The following AGR3 variants were observed in gnomAD, a reference collection of about 807,000 sequenced individuals.
AGR3 encodes the protein anterior gradient protein 3.
Under a neutral mutation model 24.5 loss-of-function variants are expected in AGR3, and 37 were observed. The observed-to-expected ratio is 1.51, with a 90% CI of 1.16 to 1.99. The LOEUF is 1.99. Ranked by LOEUF, AGR3 falls within the 30% of genes most tolerant of loss-of-function variation. The pLI is 0.00. For synonymous variants in AGR3, 75 were observed against 61.6 expected, an observed-to-expected ratio of 1.22 and a Z score of -1.02; for missense variants, 228 against 191.1, an observed-to-expected ratio of 1.19 and a Z score of -1.14.
At chr7:16,857,889 C>T (rs1781575391), downstream of AGR3, among the ~76,000 whole-genome samples, 1 of 151,922 alleles carries the variant, frequency 6.6e-6, no homozygotes, top group Non-Finnish European at 1.5e-5. Flanking sequence ...GCATATCTAT[C>T]TCATATAAAA....
chr7:16,867,723 C>G (rs185805742), intron 3 of AGR3, among the ~76,000 whole-genome samples: 90 of 152,262 alleles, frequency 5.9e-4, no homozygotes, highest in African/African-American at 2.1e-3. Context: ...TTAGATTACA[C>G]ATGTGAGATT....
At chr7:16,859,852 A>G (rs1781606538) in intron 7 of AGR3, among the ~76,000 whole-genome samples, 1 of 152,138 alleles carries the variant, frequency 6.6e-6, no homozygotes, top group African/African-American at 2.4e-5. Flanking sequence ...ATTTCATCAG[A>G]GGGGTTTTGA....
intron 3 of AGR3, among the ~76,000 whole-genome samples, chr7:16,871,108 T>C (rs1781856016): frequency 6.6e-6 from 1 of 152,168 alleles, no homozygotes. Flanking sequence ...TGATTAATTA[T>C]AAATTTGGAT....
At chr7:16,876,683 ATGG>A (rs1307843897) in intron 2 of AGR3, among the ~76,000 whole-genome samples, 1 of 152,198 alleles carries the variant, frequency 6.6e-6, no homozygotes, top group African/African-American at 2.4e-5. Flanking sequence ...ATTCTCAATA[ATGG>A]TGTTCTCAGC....
chr7:16,862,308 C>G (rs60924576), intron 4 of AGR3, among the ~76,000 whole-genome samples: 12,972 of 152,164 alleles, frequency 0.085, 1,135 homozygotes, highest in African/African-American at 0.22. Context: ...AACTCATTGA[C>G]TCATTGGTTA....
chr7:16,873,686 G>T, intron 3 of AGR3, 94 bp downstream of exon 3: 1 of 913,274 alleles, frequency 1.1e-6, no homozygotes, highest in Non-Finnish European at 1.7e-6. Flanking sequence ...TTGTGTACAT[G>T]TATCAGCATA....
chr7:16,855,420 A>G (rs1220180174), downstream of AGR3, among the ~76,000 whole-genome samples: 3 of 152,188 alleles, frequency 2.0e-5, no homozygotes, highest in Admixed American at 6.5e-5. Context: ...AGAAAAGTGA[A>G]TTCATTCCAG....
chr7:16,874,644 G>C (rs924454740), intron 2 of AGR3, among the ~76,000 whole-genome samples: 1 of 152,066 alleles, frequency 6.6e-6, no homozygotes, highest in African/African-American at 2.4e-5. Context: ...TTTGGGCCCA[G>C]GTTTTCTTGT....
At chr7:16,876,917 A>G (rs1383774627) in intron 2 of AGR3, among the ~76,000 whole-genome samples, 1 of 152,180 alleles carries the variant, frequency 6.6e-6, no homozygotes, top group Non-Finnish European at 1.5e-5. Context: ...TTTAAGGGCA[A>G]TAACTAGTTT....
chr7:16,881,253 T>C (rs1236234830), intron 1 of AGR3, among the ~76,000 whole-genome samples: 3 of 152,250 alleles, frequency 2.0e-5, no homozygotes, highest in African/African-American at 7.2e-5. Flanking sequence ...CTTTATGTAT[T>C]ATTGTCAAAT....
intron 1 of AGR3, among the ~76,000 whole-genome samples, chr7:16,878,898 A>T (rs2115318786): frequency 6.6e-6 from 1 of 152,360 alleles, no homozygotes; most frequent in South Asian, 2.1e-4. Flanking sequence ...ATTAAAAAAG[A>T]GCTGGATCAG....
chr7:16,879,236 G>C (rs1583849009), intron 1 of AGR3, among the ~76,000 whole-genome samples: 1 of 152,102 alleles, frequency 6.6e-6, no homozygotes, highest in Non-Finnish European at 1.5e-5. Context: ...TTCAGTTTAT[G>C]ATACAGCTCT....
chr7:16,866,112 AT>A, intron 3 of AGR3: 1 of 560,494 alleles, frequency 1.8e-6, no homozygotes, highest in South Asian at 1.6e-5. Flanking sequence ...CAGATTTCCT[AT>A]TTTTCTAGCT....
intron 1 of AGR3, among the ~76,000 whole-genome samples, chr7:16,879,637 G>A (rs1006370082): frequency 6.6e-6 from 1 of 152,128 alleles, no homozygotes; most frequent in Non-Finnish European, 1.5e-5. Context: ...ACATTATTTA[G>A]TATTGAACTC....
chr7:16,857,057 A>C (rs1482822590), downstream of AGR3, among the ~76,000 whole-genome samples: 1 of 151,108 alleles, frequency 6.6e-6, no homozygotes, highest in Non-Finnish European at 1.5e-5. Context: ...AGACTTGATC[A>C]TAGCTCATTG....
chr7:16,871,429 A>G (rs1346929837), intron 3 of AGR3, among the ~76,000 whole-genome samples: 2 of 152,192 alleles, frequency 1.3e-5, no homozygotes, highest in Admixed American at 6.5e-5. Context: ...TATCTATATG[A>G]TCTGTTAAAA....
downstream of AGR3, among the ~76,000 whole-genome samples, chr7:16,855,023 A>C (rs1781536719): frequency 6.6e-6 from 1 of 152,186 alleles, no homozygotes; most frequent in Non-Finnish European, 1.5e-5. Flanking sequence ...CATAATAATC[A>C]TACATGTCTA....
chr7:16,868,852 A>G (rs187517175), intron 3 of AGR3, among the ~76,000 whole-genome samples: 2 of 152,264 alleles, frequency 1.3e-5, no homozygotes, highest in African/African-American at 2.4e-5. Flanking sequence ...CAATGGCTGA[A>G]TAGTATTTTA....
At chr7:16,875,114 CAA>C (rs58302584) in intron 2 of AGR3, among the ~76,000 whole-genome samples, 2 of 135,268 alleles carry the variant, frequency 1.5e-5, no homozygotes, top group South Asian at 2.3e-4. Flanking sequence ...GACTCCATCT[CAA>C]AAAAAAAAAA....
Sources: gnomAD v4.1 joint callset for allele counts (sites outside exome capture counted in the v4.1 genomes callset) on GRCh38, gnomAD v4.1.1 for gene constraint, MANE v1.5 for transcripts, NCBI Gene and HGNC (gene_info 2026-07-23, HGNC 2026-07-21) for gene names.